RBAK: variants seen among roughly 807,000 people sequenced by gnomAD.
RBAK encodes the protein RB associated KRAB zinc finger, also known as RB-associated KRAB zinc finger protein.
A neutral mutation model predicts 65.8 loss-of-function variants in RBAK; 39 were observed. The ratio of observed to expected loss-of-function variants is 0.59; its 90% confidence interval spans 0.46 to 0.77. The LOEUF (loss-of-function observed/expected upper bound fraction) is 0.77. Among genes scored for constraint, RBAK ranks in the 30% least tolerant of loss-of-function variants. RBAK has a pLI of 0.00. For synonymous variants in RBAK, 343 were observed against 289.7 expected (o/e 1.18, Z -1.87); for missense variants, 884 against 855.1 (o/e 1.03, Z -0.42).
At chr7:5,062,226 C>T (rs73051668) in intron 4 of RBAK, among the ~76,000 whole-genome samples, 23,587 of 152,070 alleles carry the variant, frequency 0.16, 1,958 homozygotes, top group Non-Finnish European at 0.18. Context: ...CCATTTGTAT[C>T]GGGGAACCTG....
At chr7:5,058,249 AT>A (rs1778976301) in intron 4 of RBAK, among the ~76,000 whole-genome samples, 1 of 151,928 alleles carries the variant, frequency 6.6e-6, no homozygotes, top group African/African-American at 2.4e-5. Flanking sequence ...TAATTTTTAT[AT>A]TTTTAGTAGA....
At chr7:5,047,398 C>T (rs1788012905) in intron 1 of RBAK, among the ~76,000 whole-genome samples, 1 of 151,912 alleles carries the variant, frequency 6.6e-6, no homozygotes, top group African/African-American at 2.4e-5. Flanking sequence ...GACCCTGTCT[C>T]AACAAACAGA....
In RBAK at chr7:5,067,947, C is replaced by T. The variant is rs1378172790; in HGVS notation, c.*2346C>T. On this transcript the variant is annotated 3_prime_UTR_variant, in exon 5 of 5. Transcript: ENST00000396912. ...AAATGTGAAAGCTTTACAAAGAAAT[C>T]TTAGGACAGTTTGTAATCTTGGAGT... 1 of 152,150 alleles carries T rather than the reference C, an allele frequency of 6.6e-6. No homozygotes were observed. The highest frequency in any genetic ancestry group is 1.5e-5 in the Non-Finnish European group (1 of 68,030). The allele number at this position is 152,150 out of a possible 1,614,324, so 9.4% of individuals were successfully genotyped here. A position where few individuals can be genotyped will look rare whatever the true frequency, so the allele number is the denominator to read the frequency against.
Position 5,062,135 on chromosome 7 carries a change from A to C in RBAK, c.239-1560A>C, listed in dbSNP as rs144797019. 5.2e-4 allele frequency among the ~76,000 whole-genome samples: 79 copies of C among 152,318 alleles called. 1 individual carries two copies. The highest frequency in any genetic ancestry group is 1.3e-4 in the Non-Finnish European group (9 of 68,022). On this transcript the variant is annotated intron_variant, in intron 4 of 4. Coordinates refer to ENST00000396912, the MANE Select transcript of RBAK (RefSeq NM_021163.4). ...ATCTTGCAGTTTAATATAAATTGTA[A>C]TAGATGTCTCCCACATGTAATCCAT...
intron 4 of RBAK, among the ~76,000 whole-genome samples, chr7:5,060,261 T>A (rs1488544344): frequency 4.6e-5 from 7 of 152,232 alleles, no homozygotes; most frequent in Admixed American, 4.6e-4. Flanking sequence ...AAGATCTTTA[T>A]CATTAATCCA....
rs191045665 is a variant in RBAK at position 5,048,660 on chromosome 7, A to G, written c.15+569A>G. Among the ~76,000 whole-genome samples, 65 of 152,348 alleles carry G rather than the reference A, an allele frequency of 4.3e-4. No individual in the cohort carries two copies. The East Asian group carries it at 0.011, about 25-fold the overall frequency. ...GCAGTCATCACAAAAGGAAAATGCC[A>G]TCTGTATTAGTCCATTCTCACACTG... On this transcript the variant is annotated intron_variant, in intron 2 of 4. Transcript: ENST00000396912. This position sits in a 1 kb window ranked among gnomAD's most constrained non-coding sequence, Gnocchi z 4.4.
intron 2 of RBAK, among the ~76,000 whole-genome samples, chr7:5,055,351 A>G (rs1788205782): frequency 6.6e-6 from 1 of 152,176 alleles, no homozygotes; most frequent in African/African-American, 2.4e-5. Flanking sequence ...TGTCACATAT[A>G]TATCATACAT....
intron 4 of RBAK, among the ~76,000 whole-genome samples, chr7:5,062,617 C>A (rs538437553): frequency 6.6e-6 from 1 of 152,296 alleles, no homozygotes; most frequent in East Asian, 1.9e-4. Flanking sequence ...TCGAGAGCAA[C>A]CGGTCTGACC....
rs1178493584 is a variant in RBAK at position 5,065,112 on chromosome 7, A to G, written c.1656A>G (p.Ser552=). Residue 552 remains serine (S), a synonymous_variant, in exon 5 of 5, where the codon TCA becomes TCG. Coordinates refer to ENST00000396912, the MANE Select transcript of RBAK (RefSeq NM_021163.4). The surrounding 1 kb of genome is among the most constrained non-coding windows in gnomAD (Gnocchi z 5.3). The stretch of plus-strand genomic sequence containing the variant: ...GTGGAAAGTTATTCAATGAGTTGTC[A>G]TACTATACTGAACATTATAGAAGTC... ...NVCGKLFNEL[S]YYTEHYRSHS... 1 of 1,614,068 alleles carries G rather than the reference A, an allele frequency of 6.2e-7. No individual in the cohort carries two copies.
chr7:5,057,202 T>G, intron 2 of RBAK, 93 bp from the exon 3 acceptor site: 1 of 1,589,498 alleles, frequency 6.3e-7, no homozygotes, highest in Non-Finnish European at 8.6e-7. Context: ...AGGTATACAA[T>G]GTTTATGGTT....
At chr7:5,049,199 C>G (rs1213858777) in intron 2 of RBAK, among the ~76,000 whole-genome samples, 1 of 152,176 alleles carries the variant, frequency 6.6e-6, no homozygotes. Context: ...GTTACCATAA[C>G]TTATGGCTTA....
intron 3 of RBAK, 114 bp downstream of exon 3, chr7:5,057,535 ATAT>A (rs1338992025): frequency 8.1e-6 from 13 of 1,598,456 alleles, no homozygotes; most frequent in East Asian, 2.2e-5. Context: ...TGGAGTGTTT[ATAT>A]TATTATTCAT....
In RBAK at chr7:5,069,119, A is replaced by T. The variant is rs1439772438; in HGVS notation, c.*3518A>T. 2.0e-5 allele frequency: 3 copies of T among 152,126 alleles called. No individual in the cohort carries two copies. Among genetic ancestry groups the T allele is most frequent in the African/African-American group, 7.2e-5 (3 of 41,426 alleles). The allele number at this position is 152,126 out of a possible 1,614,324, so 9.4% of individuals were successfully genotyped here. A position where few individuals can be genotyped will look rare whatever the true frequency, so the allele number is the denominator to read the frequency against. On this transcript the variant is annotated 3_prime_UTR_variant, in exon 5 of 5. Coordinates refer to ENST00000396912, the MANE Select transcript of RBAK (RefSeq NM_021163.4). ...TGAGCTGTGCACTTAAGATATGTGTATTTTTCTGCATGTGTGTTAAACTTT... is the reference window on the plus strand; with the variant it reads ...TGAGCTGTGCACTTAAGATATGTGTTTTTTTCTGCATGTGTGTTAAACTTT...
At chr7:5,059,774 A>G (rs1305593244) in intron 4 of RBAK, among the ~76,000 whole-genome samples, 1 of 152,214 alleles carries the variant, frequency 6.6e-6, no homozygotes, top group Non-Finnish European at 1.5e-5. Flanking sequence ...CTCTAAGATC[A>G]TATTCTCTGA....
At chr7:5,054,690 T>C (rs534827767) in intron 2 of RBAK, among the ~76,000 whole-genome samples, 1 of 152,218 alleles carries the variant, frequency 6.6e-6, no homozygotes, top group Non-Finnish European at 1.5e-5. Flanking sequence ...TGCCTCAGTT[T>C]CCTGAGTGCT....
Position 5,068,836 on chromosome 7 carries a change from C to G in RBAK, c.*3235C>G, listed in dbSNP as rs1471588843. ...CATATGTCCATGGAATACTGTAAAACAGTGAGCATGAATGAACTAGAAGTC... is the reference window on the plus strand; with the variant it reads ...CATATGTCCATGGAATACTGTAAAAGAGTGAGCATGAATGAACTAGAAGTC... On this transcript the variant is annotated 3_prime_UTR_variant, in exon 5 of 5. Coordinates refer to ENST00000396912, the MANE Select transcript of RBAK (RefSeq NM_021163.4). The G allele has an allele frequency of 6.6e-6, 1 of 152,176 alleles. No homozygotes were observed. Among genetic ancestry groups the G allele is most frequent in the Non-Finnish European group, 1.5e-5 (1 of 68,026 alleles). The allele number at this position is 152,176 out of a possible 1,614,324, so 9.4% of individuals were successfully genotyped here. A position where few individuals can be genotyped will look rare whatever the true frequency, so the allele number is the denominator to read the frequency against.
Position 5,048,803 on chromosome 7 carries a change from T to C in RBAK, c.15+712T>C, listed in dbSNP as rs1788051412. On this transcript the variant is annotated intron_variant, in intron 2 of 4. Coordinates refer to ENST00000396912, the MANE Select transcript of RBAK (RefSeq NM_021163.4). This position sits in a 1 kb window ranked among gnomAD's most constrained non-coding sequence, Gnocchi z 4.4. ...GGAGGCTTCAGGAAACTTACAGTCATGGTGGAAGGCAAAGGGAAAGCGGGT... is the reference window on the plus strand; with the variant it reads ...GGAGGCTTCAGGAAACTTACAGTCACGGTGGAAGGCAAAGGGAAAGCGGGT... 6.6e-6 allele frequency among the ~76,000 whole-genome samples: 1 copy of C among 152,134 alleles called. No homozygotes were observed. The highest frequency in any genetic ancestry group is 2.1e-4 in the South Asian group (1 of 4,818).
At chr7:5,058,545 C>G (rs1276457578) in intron 4 of RBAK, among the ~76,000 whole-genome samples, 1 of 152,174 alleles carries the variant, frequency 6.6e-6, no homozygotes, top group Non-Finnish European at 1.5e-5. Flanking sequence ...ATACCAAAAC[C>G]TCATCCTCCA....
chr7:5,056,758 C>G (rs1196887607), intron 2 of RBAK, among the ~76,000 whole-genome samples: 1 of 151,980 alleles, frequency 6.6e-6, no homozygotes, highest in Admixed American at 6.6e-5. Context: ...GCCAAAAGAA[C>G]AAGGAGCTGA....
Sources: gnomAD v4.1 joint callset for allele counts (sites outside exome capture counted in the v4.1 genomes callset) on GRCh38, gnomAD v4.1.1 for gene constraint, Gnocchi (gnomAD v3.1) non-coding constraint, MANE v1.5 for transcripts, NCBI Gene and HGNC (gene_info 2026-07-23, HGNC 2026-07-21) for gene names.